Variants in KANSL1 observed in about 807,000 individuals in gnomAD.
The protein encoded by KANSL1 is KAT8 regulatory NSL complex subunit 1.
In KANSL1, 22 loss-of-function variants were observed where a neutral mutation model predicts 103.6. The ratio of observed to expected loss-of-function variants is 0.21; its 90% CI spans 0.15 to 0.30. The LOEUF (loss-of-function observed/expected upper bound fraction) is 0.30, where lower values mean the gene tolerates loss of function less well. Among genes scored for constraint, KANSL1 ranks in the 10% least tolerant of loss-of-function variants. The pLI is 1.00. For missense variants in KANSL1, 1,337 were observed against 1,399.8 expected (o/e 0.96, Z 0.72); for synonymous variants, 600 against 527.6 (o/e 1.14, Z -1.88).
chr17:46,219,701 A>G (rs2048459951), intron 1 of KANSL1, among the ~76,000 whole-genome samples: 2 of 152,254 alleles, frequency 1.3e-5, no homozygotes, highest in African/African-American at 4.8e-5. Flanking sequence ...TTGCAGTTCA[A>G]TACTAGAAAT....
At chr17:46,185,710 C>T (rs370366236) in intron 1 of KANSL1, among the ~76,000 whole-genome samples, 18,556 of 149,202 alleles carry the variant, frequency 0.12, 24 homozygotes, top group Middle Eastern at 0.19. Context: ...CACACACACA[C>T]ACACACACAC....
intron 2 of KANSL1, among the ~76,000 whole-genome samples, chr17:46,145,913 G>A (rs2044674165): frequency 6.6e-6 from 1 of 152,152 alleles, no homozygotes; most frequent in African/African-American, 2.4e-5. Context: ...ATTTTTAGTA[G>A]AGACAGGGTT....
rs1237179740 is a variant in KANSL1 at position 46,193,222 on chromosome 17, C to T, written c.-489G>A. ...GCCGTCTGCAGCCCGAACCCGCACCCAGGCCGCCACCCCCGGCCGCCTCTT... is the reference window on the plus strand; with the variant it reads ...GCCGTCTGCAGCCCGAACCCGCACCTAGGCCGCCACCCCCGGCCGCCTCTT... On this transcript the variant is annotated 5_prime_UTR_variant, in exon 1 of 15. Transcript: ENST00000432791. 3.3e-5 allele frequency: 5 copies of T among 152,520 alleles called. No homozygotes were observed. Among genetic ancestry groups the T allele is most frequent in the Non-Finnish European group, 7.3e-5 (5 of 68,596 alleles). 9.4% of individuals were successfully genotyped at this position (152,520 alleles called of 1,614,324 possible).
intron 1 of KANSL1, among the ~76,000 whole-genome samples, chr17:46,213,986 A>ATAC (rs1427322706): frequency 2.0e-5 from 3 of 152,150 alleles, no homozygotes; most frequent in Non-Finnish European, 4.4e-5. Context: ...CCTGCCAAAT[A>ATAC]TACTACCTGG....
intron 3 of KANSL1, among the ~76,000 whole-genome samples, chr17:46,089,752 G>A (rs2079309661): frequency 2.0e-5 from 3 of 152,104 alleles, no homozygotes; most frequent in Admixed American, 1.3e-4. Flanking sequence ...GCACTCACTT[G>A]GATGTGTAAC....
At chr17:46,096,099 G>A (rs1339690158) in intron 2 of KANSL1, among the ~76,000 whole-genome samples, 16 of 150,628 alleles carry the variant, frequency 1.1e-4, no homozygotes, top group Admixed American at 1.1e-3. Flanking sequence ...TACTTAGCGA[G>A]GTGTAAAATG....
chr17:46,191,766 A>G (rs1047314929), intron 1 of KANSL1, among the ~76,000 whole-genome samples: 1 of 152,222 alleles, frequency 6.6e-6, no homozygotes, highest in Non-Finnish European at 1.5e-5. Flanking sequence ...AAACAAAAAA[A>G]CACAATGATT....
chr17:46,060,410 AG>A (rs2078115575), intron 6 of KANSL1, among the ~76,000 whole-genome samples: 2 of 152,180 alleles, frequency 1.3e-5, no homozygotes, highest in Admixed American at 1.3e-4. Flanking sequence ...ATTTTATCTC[AG>A]TCTTTCAAAA....
At position 46,193,345 on chromosome 17, in the gene KANSL1, G is replaced by C. The variant is rs1227348884; in HGVS notation, c.-612C>G. ...CGGTTCTCCCGCCGGCTCGGCGAGC[G>C]GTGGCGGCGGTGGCGGCGGCACTGG... On this transcript the variant is annotated 5_prime_UTR_variant, in exon 1 of 15. Coordinates refer to ENST00000432791, the MANE Select transcript of KANSL1 (RefSeq NM_015443.4). The C allele has an allele frequency of 8.3e-6, 1 of 120,198 alleles. No individual in the cohort carries two copies. Among genetic ancestry groups the C allele is most frequent in the Non-Finnish European group, 2.1e-5 (1 of 47,538 alleles). The allele number at this position is 120,198 out of a possible 1,614,324, so 7.4% of individuals were successfully genotyped here. A position where few individuals can be genotyped will look rare whatever the true frequency, so the allele number is the denominator to read the frequency against.
intron 2 of KANSL1, among the ~76,000 whole-genome samples, chr17:46,130,187 C>CAAAAAAAAAAAAA (rs35017603): frequency 1.6e-4 from 12 of 75,462 alleles, no homozygotes; most frequent in Non-Finnish European, 2.7e-4. Context: ...ATCCTGTCTC[C>CAAAAAAAAAAAAA]AAAAAAAAAA....
chr17:46,212,369 T>C (rs1424764492), intron 1 of KANSL1, among the ~76,000 whole-genome samples: 1 of 152,104 alleles, frequency 6.6e-6, no homozygotes, highest in Non-Finnish European at 1.5e-5. Context: ...TTCAGGCACG[T>C]GCCACCACGC....
At chr17:46,082,105 T>TA (rs1196540733) in intron 4 of KANSL1, among the ~76,000 whole-genome samples, 2 of 152,138 alleles carry the variant, frequency 1.3e-5, no homozygotes, top group African/African-American at 4.8e-5. Context: ...TATAATATAT[T>TA]AGAGTGGCCC....
intron 4 of KANSL1, among the ~76,000 whole-genome samples, chr17:46,070,438 A>G (rs1303233712): frequency 1.3e-5 from 2 of 152,182 alleles, no homozygotes; most frequent in Admixed American, 6.5e-5. Context: ...TAATAGTTTT[A>G]TATTAAAAAG....
chr17:46,143,283 C>G (rs547910136), intron 2 of KANSL1, among the ~76,000 whole-genome samples: 1 of 151,920 alleles, frequency 6.6e-6, no homozygotes, highest in Admixed American at 6.6e-5. Context: ...CACCTGAAGT[C>G]AGGAGTTCAA....
chr17:46,216,007 T>A (rs2048328595), intron 1 of KANSL1, among the ~76,000 whole-genome samples: 1 of 152,132 alleles, frequency 6.6e-6, no homozygotes, highest in South Asian at 2.1e-4. Flanking sequence ...GCCACTGCAC[T>A]CCAGCCTGGG....
chr17:46,190,880 A>AT (rs984386822), intron 1 of KANSL1, among the ~76,000 whole-genome samples: 1 of 152,188 alleles, frequency 6.6e-6, no homozygotes, highest in African/African-American at 2.4e-5. Context: ...AGGGATGAGC[A>AT]TTTTTACCTT....
rs551044913 is a variant in KANSL1, at chr17:46,159,759, A to G, written c.1289+11096T>C. 3.9e-5 allele frequency among the ~76,000 whole-genome samples: 6 copies of G among 152,396 alleles called. No homozygotes were observed. The South Asian group carries it at 8.3e-4, about 21-fold the overall frequency. ...AAATAGTTGTTTGGGGCTTTTCCAC[A>G]TAAGATATAAATCATCCCTTTCGAA... is the stretch of plus-strand genomic sequence containing the variant. On this transcript the variant is annotated intron_variant, in intron 2 of 14. Coordinates refer to ENST00000432791, the MANE Select transcript of KANSL1 (RefSeq NM_015443.4).
upstream of KANSL1, chr17:46,196,713 T>A: frequency 7.6e-6 from 2 of 262,444 alleles, no homozygotes; most frequent in African/African-American, 2.3e-5. Context: ...ATAAATGAAG[T>A]CAAAAAACAA....
chr17:46,074,460 C>T (rs969674686), intron 4 of KANSL1, among the ~76,000 whole-genome samples: 2 of 151,988 alleles, frequency 1.3e-5, no homozygotes, highest in African/African-American at 2.4e-5. Context: ...AACAACACAG[C>T]AATAATTGCT....
Sources: gnomAD v4.1 joint callset for allele counts (sites outside exome capture counted in the v4.1 genomes callset) on GRCh38, gnomAD v4.1.1 for gene constraint, MANE v1.5 for transcripts, NCBI Gene and HGNC (gene_info 2026-07-23, HGNC 2026-07-21) for gene names.